Variants in UST observed in about 807,000 individuals in gnomAD.
UST encodes the protein chondroitin sulfate 2-O-sulfotransferase.
Under a neutral mutation model 45.6 loss-of-function variants are expected in UST, and 21 were observed. The ratio of observed to expected loss-of-function variants is 0.46; its 90% CI spans 0.33 to 0.66. The LOEUF (loss-of-function observed/expected upper bound fraction) is 0.66. Ranked by LOEUF, UST falls within the 30% of genes least tolerant of loss-of-function variation. The probability of loss-of-function intolerance (pLI) is 0.02; values close to 1 mark genes in which losing one functional copy is unlikely to be tolerated. For synonymous variants in UST, 215 were observed against 200.6 expected, an observed-to-expected ratio of 1.07 and a Z score of -0.61; for missense variants, 463 against 512.4, an observed-to-expected ratio of 0.90 and a Z score of 0.93.
At chr6:148,831,171 G>A (rs115561426) in intron 1 of UST, among the ~76,000 whole-genome samples, 3,120 of 152,160 alleles carry the variant, frequency 0.021, 101 homozygotes, top group African/African-American at 0.061. Flanking sequence ...CTTTGCTTTC[G>A]TCTTTCTCAC....
chr6:148,960,711 T>C (rs991566786), intron 4 of UST, among the ~76,000 whole-genome samples: 1 of 152,236 alleles, frequency 6.6e-6, no homozygotes, highest in Admixed American at 6.5e-5. Context: ...AGGGCAAATA[T>C]ATACATTTTA....
At chr6:148,929,336 A>T (rs963309864) in intron 2 of UST, among the ~76,000 whole-genome samples, 2 of 152,176 alleles carry the variant, frequency 1.3e-5, no homozygotes, top group African/African-American at 4.8e-5. Context: ...GCTAGTTGAG[A>T]TGTACACTGG....
intron 5 of UST, among the ~76,000 whole-genome samples, chr6:149,004,385 C>A (rs756227400): frequency 6.6e-6 from 1 of 152,134 alleles, no homozygotes; most frequent in Non-Finnish European, 1.5e-5. Context: ...ACTTCCTGGA[C>A]CTGCTTATAT....
chr6:149,042,818 T>C (rs4441968), intron 7 of UST, among the ~76,000 whole-genome samples: 53,180 of 151,984 alleles, frequency 0.35, 9,794 homozygotes, highest in African/African-American at 0.4. Flanking sequence ...TGGGGTCTCA[T>C]TGTGTTGCCC....
intron 1 of UST, among the ~76,000 whole-genome samples, chr6:148,846,588 A>G (rs549997351): frequency 6.6e-6 from 1 of 150,734 alleles, no homozygotes; most frequent in African/African-American, 2.4e-5. Context: ...CCTAAAACTT[A>G]AAGTATAATA....
intron 5 of UST, among the ~76,000 whole-genome samples, chr6:148,968,037 T>C (rs548918370): frequency 6.6e-6 from 1 of 152,296 alleles, no homozygotes; most frequent in Admixed American, 6.5e-5. Flanking sequence ...GGCCTGGGAT[T>C]CGGGGTGGGG....
chr6:148,855,237 T>G (rs185501694), intron 1 of UST, among the ~76,000 whole-genome samples: 1 of 152,282 alleles, frequency 6.6e-6, no homozygotes, highest in African/African-American at 2.4e-5. Context: ...CCAAACCGTA[T>G]CAGGGTCTTT....
chr6:149,065,181 G>A (rs1776714177), intron 7 of UST, among the ~76,000 whole-genome samples: 1 of 152,172 alleles, frequency 6.6e-6, no homozygotes. Context: ...CTACTAATAA[G>A]TATAGATTTT....
intron 1 of UST, among the ~76,000 whole-genome samples, chr6:148,806,455 C>T (rs553457835): frequency 7.0e-4 from 106 of 151,782 alleles, no homozygotes; most frequent in Non-Finnish European, 1.1e-3. Flanking sequence ...TCTCCTGCCT[C>T]AGCCTCTCAA....
Position 148,775,008 on chromosome 6 carries a change from G to A in UST, c.247+27331G>A, listed in dbSNP as rs187140955. ...ACTCCAGCCTGGAGTCTGACAGAGT[G>A]AGACTTCATCTCAAAGAAAAAAAAA... On this transcript the variant is annotated intron_variant, in intron 1 of 7. Transcript: ENST00000367463. 2.5e-3 allele frequency among the ~76,000 whole-genome samples: 380 copies of A among 152,014 alleles called. 3 individuals are homozygous for A. Among genetic ancestry groups the A allele is most frequent in the African/African-American group, 9.0e-3 (371 of 41,432 alleles).
chr6:148,904,242 G>T (rs989551851), intron 2 of UST, among the ~76,000 whole-genome samples: 2 of 152,106 alleles, frequency 1.3e-5, no homozygotes, highest in African/African-American at 4.8e-5. Flanking sequence ...TGTTTCTTGT[G>T]GGGGATAGTA....
chr6:148,894,596 T>G (rs1286224787), intron 2 of UST, among the ~76,000 whole-genome samples: 1 of 152,154 alleles, frequency 6.6e-6, no homozygotes, highest in African/African-American at 2.4e-5. Flanking sequence ...GATTTCAGAT[T>G]TCTGACCTCC....
At chr6:148,883,435 G>A (rs1412008351) in intron 1 of UST, among the ~76,000 whole-genome samples, 1 of 152,182 alleles carries the variant, frequency 6.6e-6, no homozygotes, top group African/African-American at 2.4e-5. Flanking sequence ...AGGAACTTCA[G>A]TTCTTATGGA....
chr6:148,982,230 G>A (rs1236252143), intron 5 of UST, among the ~76,000 whole-genome samples: 1 of 151,842 alleles, frequency 6.6e-6, no homozygotes, highest in East Asian at 1.9e-4. Context: ...CTCCAAGTAG[G>A]TGGGGCTACA....
intron 1 of UST, among the ~76,000 whole-genome samples, chr6:148,874,017 G>A (rs576197614): frequency 3.3e-5 from 5 of 152,376 alleles, no homozygotes; most frequent in South Asian, 4.1e-4. Context: ...GGCCCTACCC[G>A]GCTGCTGGTT....
intron 1 of UST, among the ~76,000 whole-genome samples, chr6:148,754,466 C>T (rs1776058048): frequency 6.6e-6 from 1 of 152,156 alleles, no homozygotes; most frequent in African/African-American, 2.4e-5. Context: ...CCTTCCCACC[C>T]TTTCTCCCTG....
chr6:149,053,849 A>G (rs1776524615), intron 7 of UST, among the ~76,000 whole-genome samples: 1 of 152,250 alleles, frequency 6.6e-6, no homozygotes, highest in South Asian at 2.1e-4. Flanking sequence ...ATTGGGGCTC[A>G]TATCTAGTGC....
chr6:148,873,464 A>G (rs952449903), intron 1 of UST, among the ~76,000 whole-genome samples: 6 of 152,120 alleles, frequency 3.9e-5, no homozygotes, highest in Non-Finnish European at 7.4e-5. Flanking sequence ...CCTGAAGTAC[A>G]CATCTAGCTG....
At chr6:148,986,612 G>T (rs530379261) in intron 5 of UST, among the ~76,000 whole-genome samples, 1 of 152,166 alleles carries the variant, frequency 6.6e-6, no homozygotes, top group South Asian at 2.1e-4. Context: ...GGCATTTGCC[G>T]GTACACCACT....
Sources: gnomAD v4.1 joint callset for allele counts (sites outside exome capture counted in the v4.1 genomes callset) on GRCh38, gnomAD v4.1.1 for gene constraint, MANE v1.5 for transcripts, NCBI Gene and HGNC (gene_info 2026-07-23, HGNC 2026-07-21) for gene names.